Variants in ETV1 observed in about 807,000 individuals in gnomAD.
The protein encoded by ETV1 is ETS variant transcription factor 1.
In ETV1, 27 loss-of-function variants were observed where a neutral mutation model predicts 62.3. The observed-to-expected ratio is 0.43, with a 90% CI of 0.32 to 0.60. ETV1 has a LOEUF of 0.60. Among genes scored for constraint, ETV1 ranks in the 20% least tolerant of loss-of-function variants. ETV1 has a pLI of 0.06. For synonymous variants in ETV1, 222 were observed against 199.6 expected (o/e 1.11, Z -0.94); for missense variants, 605 against 605.8 (o/e 1.00, Z 0.01).
intron 6 of ETV1, among the ~76,000 whole-genome samples, chr7:13,957,982 G>T (rs1420878499): frequency 6.6e-6 from 1 of 152,114 alleles, no homozygotes. Flanking sequence ...TAAAATGAAG[G>T]TGTGCATAGG....
chr7:13,894,295 C>T lies in ETV1; in HGVS notation c.*1571G>A. The T allele has an allele frequency of 4.3e-6, 1 of 231,926 alleles. No homozygotes were observed. The highest frequency in any genetic ancestry group is 8.5e-6 in the Non-Finnish European group (1 of 117,198). The allele number at this position is 231,926 out of a possible 1,614,324, so 14.4% of individuals were successfully genotyped here. A position where few individuals can be genotyped will look rare whatever the true frequency, so the allele number is the denominator to read the frequency against. On this transcript the variant is annotated 3_prime_UTR_variant, in exon 14 of 14. Transcript: ENST00000430479. ...CAGAGATTCTATATCCCCATTTACTCATGGTTTTTTCAAGGTGAATGAAAC... is the reference window on the plus strand; with the variant it reads ...CAGAGATTCTATATCCCCATTTACTTATGGTTTTTTCAAGGTGAATGAAAC...
Position 13,988,118 on chromosome 7 carries a change from A to C in ETV1, c.101T>G (p.Phe34Cys). The C allele has an allele frequency of 6.2e-7, 1 of 1,612,988 alleles. No homozygotes were observed. The highest frequency in any genetic ancestry group is 8.5e-7 in the Non-Finnish European group (1 of 1,179,072). Residue 34 changes from phenylalanine (F) to cysteine (C), a missense_variant, in exon 4 of 14, where the codon TTC becomes TGC. By Grantham distance (205) the Phe-to-Cys change is radical. Transcript: ENST00000430479. ...EKPTNVRKRK[F>C]INRDLAHDSE... is the part of the protein sequence containing the mutation. Reference sequence around the variant, plus strand: ...ATCATGAGCCAGATCTCTGTTAATGAATTTTCTTTTCCTGACATTTGTTGG... The same window carrying C: ...ATCATGAGCCAGATCTCTGTTAATGCATTTTCTTTTCCTGACATTTGTTGG...
intron 6 of ETV1, among the ~76,000 whole-genome samples, chr7:13,947,566 C>G (rs1036511290): frequency 6.6e-6 from 1 of 152,132 alleles, no homozygotes; most frequent in African/African-American, 2.4e-5. Context: ...GACTAAAGAT[C>G]TAACACTAAG....
intron 6 of ETV1, among the ~76,000 whole-genome samples, chr7:13,959,839 C>T (rs946807917): frequency 3.0e-5 from 4 of 132,360 alleles, no homozygotes; most frequent in Non-Finnish European, 6.2e-5. Context: ...GCCAAGATAA[C>T]ACCACTGCCC....
chr7:13,959,713 G>A (rs1583802833), intron 6 of ETV1, among the ~76,000 whole-genome samples: 1 of 151,844 alleles, frequency 6.6e-6, no homozygotes, highest in East Asian at 1.9e-4. Context: ...GTGAAACCCT[G>A]TCTCTACTAA....
chr7:13,931,510 T>A lies in ETV1; in HGVS notation c.794A>T (p.Tyr265Phe), dbSNP rs1786156801. ...MIKQEPRDFA[Y>F]DSEVPSCHSI... The stretch of plus-strand genomic sequence containing the variant: ...GCAGAGCGCAGGCCTACCTGAGTCA[T>A]ATGCAAAATCTCTGGGTTCCTGTTT... Residue 265 changes from tyrosine (Y) to phenylalanine (F), a missense_variant, in exon 9 of 14, where the codon TAT (tyrosine) becomes TTT (phenylalanine). Around this residue, in one of 3 missense-constraint regions of ETV1, gnomAD observed 426 missense variants for 377.8 expected, o/e 1.13. Coordinates refer to ENST00000430479, the MANE Select transcript of ETV1 (RefSeq NM_004956.5). 6.2e-7 allele frequency: 1 copy of A among 1,613,838 alleles called. No individual in the cohort carries two copies.
At chr7:13,943,604 G>A (rs564294201) in intron 6 of ETV1, among the ~76,000 whole-genome samples, 2 of 152,102 alleles carry the variant, frequency 1.3e-5, no homozygotes, top group African/African-American at 4.8e-5. Context: ...AGCAAAAACT[G>A]GAAAAACTCA....
At chr7:13,928,814 C>T (rs1463487146) in intron 9 of ETV1, among the ~76,000 whole-genome samples, 1 of 151,978 alleles carries the variant, frequency 6.6e-6, no homozygotes, top group Non-Finnish European at 1.5e-5. Context: ...AAAAATCAGC[C>T]GGGTGTGGTG....
intron 3 of ETV1, chr7:13,988,684 T>G: frequency 6.2e-7 from 1 of 1,610,486 alleles, no homozygotes; most frequent in Non-Finnish European, 8.5e-7. Context: ...CTCAACTTCA[T>G]TCTTTTCAAT....
chr7:13,960,722 TA>T (rs1434071711), intron 6 of ETV1, among the ~76,000 whole-genome samples: 1 of 152,196 alleles, frequency 6.6e-6, no homozygotes, highest in Non-Finnish European at 1.5e-5. Context: ...CTGATGCTAG[TA>T]ATTCTTTTTG....
At chr7:13,982,794 C>T (rs562043587) in intron 5 of ETV1, among the ~76,000 whole-genome samples, 1 of 151,908 alleles carries the variant, frequency 6.6e-6, no homozygotes, top group South Asian at 2.1e-4. Flanking sequence ...AATTCATGAG[C>T]ACATAACCAA....
chr7:13,891,702 A>G lies in ETV1; in HGVS notation c.*4164T>C, dbSNP rs532338151. 4.3e-6 allele frequency: 1 copy of G among 232,086 alleles called. No individual in the cohort carries two copies. Among genetic ancestry groups the G allele is most frequent in the East Asian group, 6.1e-5 (1 of 16,328 alleles). The allele number at this position is 232,086 out of a possible 1,614,324, so 14.4% of individuals were successfully genotyped here. A position where few individuals can be genotyped will look rare whatever the true frequency, so the allele number is the denominator to read the frequency against. ...ATGCCCAACTATTACCATCTTTTTG[A>G]AACTTGATTTTTCCAATTCTTAGTA... is the stretch of plus-strand genomic sequence containing the variant. On this transcript the variant is annotated 3_prime_UTR_variant, in exon 14 of 14. Coordinates refer to ENST00000430479, the MANE Select transcript of ETV1 (RefSeq NM_004956.5).
chr7:13,919,310 G>A (rs6964283), intron 9 of ETV1, among the ~76,000 whole-genome samples: 20,060 of 151,788 alleles, frequency 0.13, 1,419 homozygotes, highest in Middle Eastern at 0.24. Context: ...CCAGTGTCAT[G>A]TTAAGTGAGT....
rs116787967 is a variant in ETV1 at position 13,951,472 on chromosome 7, C to T, written c.236-12226G>A. Among the ~76,000 whole-genome samples the T allele has an allele frequency of 6.6e-3, 1,012 of 152,230 alleles. 14 individuals carry two copies. The highest frequency in any genetic ancestry group is 0.024 in the African/African-American group (981 of 41,528). On this transcript the variant is annotated intron_variant, in intron 6 of 13. Transcript: ENST00000430479. ...CTGCCTCATAGAGTTTCCGATAGGA[C>T]TAAGGGAGCCACACTACGTATAAAG...
chr7:13,947,627 T>A (rs1788327446), intron 6 of ETV1, among the ~76,000 whole-genome samples: 1 of 152,196 alleles, frequency 6.6e-6, no homozygotes, highest in African/African-American at 2.4e-5. Flanking sequence ...AGGTTGTAAT[T>A]GTTGAACTCT....
chr7:13,915,422 T>G (rs1161090289), intron 9 of ETV1, among the ~76,000 whole-genome samples: 3 of 152,226 alleles, frequency 2.0e-5, no homozygotes, highest in Non-Finnish European at 4.4e-5. Context: ...CTGAGTTGTA[T>G]TAAGAATTAA....
In ETV1 at chr7:13,891,412, G is replaced by C. The variant is rs1781377066; in HGVS notation, c.*4454C>G. 2 of 231,342 alleles carry C rather than the reference G, an allele frequency of 8.6e-6. No homozygotes were observed. The highest frequency in any genetic ancestry group is 4.4e-5 in the African/African-American group (2 of 45,178). The allele number at this position is 231,342 out of a possible 1,614,324, so 14.3% of individuals were successfully genotyped here. On this transcript the variant is annotated 3_prime_UTR_variant, in exon 14 of 14. Coordinates refer to ENST00000430479, the MANE Select transcript of ETV1 (RefSeq NM_004956.5). Reference sequence around the variant, plus strand: ...TTTAGAATGAAAGTAACTAATACTGGAGTCTATATGCAAAAAAGACCCTAC... The same window carrying C: ...TTTAGAATGAAAGTAACTAATACTGCAGTCTATATGCAAAAAAGACCCTAC...
chr7:13,926,610 G>GA (rs1286705882), intron 9 of ETV1, among the ~76,000 whole-genome samples: 1 of 151,780 alleles, frequency 6.6e-6, no homozygotes, highest in East Asian at 1.9e-4. Flanking sequence ...ATAAGGGCAT[G>GA]AAAAAAAATA....
intron 5 of ETV1, among the ~76,000 whole-genome samples, chr7:13,980,566 G>A (rs1456985768): frequency 3.3e-5 from 5 of 152,098 alleles, no homozygotes; most frequent in African/African-American, 1.2e-4. Context: ...GGGAAGAGGA[G>A]GAAAGGAGAA....
Sources: allele counts gnomAD v4.1 joint callset (sites outside exome capture counted in the v4.1 genomes callset), GRCh38; gene constraint gnomAD v4.1.1; regional missense constraint gnomAD v4.1.1; transcripts MANE v1.5; gene names NCBI Gene and HGNC (gene_info 2026-07-23, HGNC 2026-07-21).